The following SDHAF4 variants were observed in gnomAD, a reference collection of about 807,000 sequenced individuals.
The protein encoded by SDHAF4 is succinate dehydrogenase assembly factor 4, mitochondrial.
A neutral mutation model predicts 14.3 loss-of-function variants in SDHAF4; 14 were observed. The ratio of observed to expected loss-of-function variants is 0.98; its 90% CI spans 0.65 to 1.53. The LOEUF (loss-of-function observed/expected upper bound fraction) is 1.53, where lower values mean the gene tolerates loss of function less well. SDHAF4 is among the 40% of genes most tolerant of loss of function. SDHAF4 has a pLI of 0.00. For synonymous variants in SDHAF4, 63 were observed against 47.3 expected (o/e 1.33, Z -1.36); for missense variants, 141 against 129.3 (o/e 1.09, Z -0.44).
chr6:70,591,297 G>GT (rs1332814527), downstream of SDHAF4, among the ~76,000 whole-genome samples: 1 of 134,476 alleles, frequency 7.4e-6, no homozygotes, highest in East Asian at 2.4e-4. Context: ...AATTATGAAT[G>GT]TATTTTTCCA....
chr6:70,584,768 A>C (rs1327514740), intron 2 of SDHAF4, among the ~76,000 whole-genome samples: 1 of 152,182 alleles, frequency 6.6e-6, no homozygotes, highest in East Asian at 1.9e-4. Flanking sequence ...AAAATAATAA[A>C]GTCCAGTGGA....
downstream of SDHAF4, among the ~76,000 whole-genome samples, chr6:70,589,872 T>A (rs1765243254): frequency 6.6e-6 from 1 of 152,206 alleles, no homozygotes; most frequent in South Asian, 2.1e-4. Context: ...TAATTCCAGC[T>A]GATGTCCAGG....
At chr6:70,594,212 A>G (rs534284193), downstream of SDHAF4, among the ~76,000 whole-genome samples, 6 of 152,348 alleles carry the variant, frequency 3.9e-5, no homozygotes, top group African/African-American at 1.2e-4. Flanking sequence ...CCTTGGGGCT[A>G]TGAAGATAGA....
intron 1 of SDHAF4, among the ~76,000 whole-genome samples, chr6:70,572,579 GTTA>G (rs1802198071): frequency 6.6e-6 from 1 of 151,486 alleles, no homozygotes; most frequent in Non-Finnish European, 1.5e-5. Flanking sequence ...TATATTGAAA[GTTA>G]TTTTTACATT....
At chr6:70,586,568 A>G (rs1203261068) in intron 2 of SDHAF4, among the ~76,000 whole-genome samples, 3 of 151,792 alleles carry the variant, frequency 2.0e-5, no homozygotes, top group African/African-American at 7.3e-5. Context: ...TAATAGTGGA[A>G]TAAATGAATG....
At chr6:70,595,993 GTGT>G in the SDHAF4 span, among the ~76,000 whole-genome samples, 2 of 152,104 alleles carry the variant, frequency 1.3e-5, no homozygotes, top group African/African-American at 4.8e-5. Flanking sequence ...AACAACCAAA[GTGT>G]TGTATTAAGA....
At chr6:70,583,475 G>A (rs559689784) in intron 2 of SDHAF4, among the ~76,000 whole-genome samples, 12 of 152,248 alleles carry the variant, frequency 7.9e-5, no homozygotes, top group African/African-American at 2.6e-4. Flanking sequence ...AATACCTGGA[G>A]AAAGCTATGG....
chr6:70,583,098 G>A (rs944122743), intron 2 of SDHAF4, among the ~76,000 whole-genome samples: 8 of 152,084 alleles, frequency 5.3e-5, no homozygotes, highest in Non-Finnish European at 4.4e-5. Flanking sequence ...CGTTTGAGCT[G>A]GGGTCTAAGG....
At chr6:70,585,411 C>T (rs1765184816) in intron 2 of SDHAF4, among the ~76,000 whole-genome samples, 1 of 152,378 alleles carries the variant, frequency 6.6e-6, no homozygotes, top group South Asian at 2.1e-4. Flanking sequence ...CTTGCTGTCT[C>T]TCTTTCTCTG....
At chr6:70,574,909 C>T (rs1304692320) in intron 1 of SDHAF4, among the ~76,000 whole-genome samples, 1 of 145,928 alleles carries the variant, frequency 6.9e-6, no homozygotes, top group Non-Finnish European at 1.5e-5. Flanking sequence ...GACTGGGCAA[C>T]AGAGCAAGAC....
intron 1 of SDHAF4, among the ~76,000 whole-genome samples, chr6:70,574,371 T>C (rs1802224353): frequency 6.6e-6 from 1 of 151,916 alleles, no homozygotes; most frequent in South Asian, 2.1e-4. Flanking sequence ...AAGATGCAGC[T>C]AGTGTGTAGT....
chr6:70,572,338 T>C (rs1375638500), intron 1 of SDHAF4, among the ~76,000 whole-genome samples: 1 of 152,164 alleles, frequency 6.6e-6, no homozygotes, highest in Non-Finnish European at 1.5e-5. Flanking sequence ...TTCTTTGTTA[T>C]AAGTTATGCA....
In SDHAF4 at chr6:70,588,729, C is replaced by T. The variant is rs370009565; in HGVS notation, c.*5C>T. On this transcript the variant is annotated 3_prime_UTR_variant, in exon 3 of 3. Transcript: ENST00000370474. ...GGACGCTGTATTGATTTTTAAGTCG[C>T]ATATTCTTTAACTTCAATATTGTTT... The T allele has an allele frequency of 1.1e-4, 165 of 1,548,154 alleles. No individual in the cohort carries two copies. Among genetic ancestry groups the T allele is most frequent in the Non-Finnish European group, 1.4e-4 (163 of 1,127,314 alleles).
intron 1 of SDHAF4, among the ~76,000 whole-genome samples, chr6:70,577,238 C>T (rs182069233): frequency 6.6e-6 from 1 of 152,152 alleles, no homozygotes; most frequent in Non-Finnish European, 1.5e-5. Flanking sequence ...CTGTCTGCTA[C>T]CAAAATTCTT....
the SDHAF4 span, among the ~76,000 whole-genome samples, chr6:70,597,510 G>C: frequency 6.6e-6 from 1 of 151,966 alleles, no homozygotes; most frequent in Non-Finnish European, 1.5e-5. Context: ...TTAGCATAAA[G>C]TCTGATGTGT....
chr6:70,586,212 T>C (rs1295847485), intron 2 of SDHAF4, among the ~76,000 whole-genome samples: 5 of 152,088 alleles, frequency 3.3e-5, no homozygotes, highest in Non-Finnish European at 7.4e-5. Flanking sequence ...TCTCTAGGGA[T>C]TGAATGTAAG....
chr6:70,568,966 T>TC (rs1387963150), intron 1 of SDHAF4, among the ~76,000 whole-genome samples: 18 of 95,486 alleles, frequency 1.9e-4, no homozygotes, highest in South Asian at 6.7e-4. Context: ...TTTTTTCTTT[T>TC]TTTTTTTTTT....
intron 2 of SDHAF4, among the ~76,000 whole-genome samples, chr6:70,583,347 AGGTGATCCACCTG>A (rs1322370766): frequency 1.3e-5 from 2 of 152,330 alleles, no homozygotes; most frequent in African/African-American, 4.8e-5. Flanking sequence ...TCCTGACCTC[AGGTGATCCACCTG>A]CCTTGGCCTT....
At chr6:70,587,458 C>T (rs1765215097) in intron 2 of SDHAF4, among the ~76,000 whole-genome samples, 1 of 152,224 alleles carries the variant, frequency 6.6e-6, no homozygotes, top group South Asian at 2.1e-4. Flanking sequence ...CGCCACTCCA[C>T]TACTCCAGCA....
Sources: allele counts gnomAD v4.1 joint callset (sites outside exome capture counted in the v4.1 genomes callset), GRCh38; gene constraint gnomAD v4.1.1; transcripts MANE v1.5; gene names NCBI Gene and HGNC (gene_info 2026-07-23, HGNC 2026-07-21).